Variants in PCED1A observed in about 807,000 individuals in gnomAD.
PCED1A encodes PC-esterase domain containing 1A.
A neutral mutation model predicts 41.9 loss-of-function variants in PCED1A; 20 were observed. That is an observed-to-expected ratio of 0.48 (90% CI 0.34 to 0.69). The LOEUF is 0.69. PCED1A is among the 30% of genes least tolerant of loss of function. The pLI, the probability that PCED1A is intolerant of heterozygous loss-of-function variation, is 0.01. For synonymous variants in PCED1A, 236 were observed against 241.3 expected (o/e 0.98, Z 0.20); for missense variants, 498 against 602.1 (o/e 0.83, Z 1.81).
upstream of PCED1A, chr20:2,840,914 C>T (rs541974761): frequency 5.6e-4 from 738 of 1,326,554 alleles, 6 homozygotes; most frequent in South Asian, 5.8e-3. Context: ...GCCCCTGTCA[C>T]TACTGGCGCT....
Position 2,839,775 on chromosome 20 carries a change from G to C in PCED1A, c.124+14C>G. 1 of 1,613,756 alleles carries C rather than the reference G, an allele frequency of 6.2e-7. No homozygotes were observed. Among genetic ancestry groups the C allele is most frequent in the Non-Finnish European group, 8.5e-7 (1 of 1,179,776 alleles). ...GTGTGGGACTGGAAGCGTCACCCTA[G>C]AAGAGGCACTCACTGGAGTCCCCCA... On this transcript the variant is annotated intron_variant, in intron 2 of 7. Coordinates refer to ENST00000360652, the MANE Select transcript of PCED1A (RefSeq NM_022760.6).
rs774041825 is a variant in PCED1A, at chr20:2,838,229, C to T, written c.841+3G>A. ...CTACCCCCCCACTTATGGTAGGGCT[C>T]ACCAGGGGGATAGCCACGCTTGGGC... is the stretch of plus-strand genomic sequence containing the variant. On this transcript the variant is annotated splice_donor_region_variant and intron_variant, in intron 6 of 7. Coordinates refer to ENST00000360652, the MANE Select transcript of PCED1A (RefSeq NM_022760.6). This position sits in a 1 kb window ranked among gnomAD's most constrained non-coding sequence, Gnocchi z 5.8. 2.5e-6 allele frequency: 4 copies of T among 1,614,066 alleles called. No homozygotes were observed. The South Asian group carries it at 4.4e-5, about 18-fold the overall frequency.
At position 2,840,396 on chromosome 20, in the gene PCED1A, C is replaced by T; in HGVS notation, c.-207G>A. On this transcript the variant is annotated 5_prime_UTR_variant, in exon 1 of 8. Coordinates refer to ENST00000360652, the MANE Select transcript of PCED1A (RefSeq NM_022760.6). Reference sequence around the variant, plus strand: ...TAGCCGTCGGTGCACAGCCCAGCGCCCAGCGCTCTCCATGCGAGCGTCGCT... The same window carrying T: ...TAGCCGTCGGTGCACAGCCCAGCGCTCAGCGCTCTCCATGCGAGCGTCGCT... 1 of 359,142 alleles carries T rather than the reference C, an allele frequency of 2.8e-6. No homozygotes were observed. Among genetic ancestry groups the T allele is most frequent in the Non-Finnish European group, 5.1e-6 (1 of 195,840 alleles). The allele number at this position is 359,142 out of a possible 1,614,324, so 22.2% of individuals were successfully genotyped here. A position where few individuals can be genotyped will look rare whatever the true frequency, so the allele number is the denominator to read the frequency against.
At chr20:2,839,979 C>A (rs776712955) in intron 1 of PCED1A, 46 bp from the exon 2 acceptor site, 504 of 1,547,598 alleles carry the variant, frequency 3.3e-4, no homozygotes, top group Non-Finnish European at 4.2e-4. Context: ...GGACTCTGGG[C>A]AGGTCAGCCT....
upstream of PCED1A, chr20:2,841,111 G>C: frequency 2.0e-6 from 1 of 500,194 alleles, no homozygotes; most frequent in Admixed American, 3.8e-5. Context: ...GCAGCTCGCG[G>C]GTGACAGCGA....
At position 2,836,244 on chromosome 20, in the gene PCED1A, G is replaced by A. The variant is rs752343671; in HGVS notation, c.912C>T (p.Phe304=). Residue 304 remains phenylalanine, a synonymous_variant, in exon 7 of 8, where the codon TTC becomes TTT. Coordinates refer to ENST00000360652, the MANE Select transcript of PCED1A (RefSeq NM_022760.6). ...GTGGGAGCAAGGCCAGGTGCTCCCC[G>A]AAGTCTGGGGTCTGCCTATGGCTTC... ...FQGSHRQTPD[F]GEHLALLPPP... The A allele has an allele frequency of 9.9e-6, 16 of 1,614,032 alleles. No individual in the cohort carries two copies. The highest frequency in any genetic ancestry group is 5.3e-5 in the African/African-American group (4 of 74,912).
chr20:2,839,243 C>T lies in PCED1A; in HGVS notation c.153G>A (p.Val51=), dbSNP rs1346516413. 4 of 1,614,002 alleles carry T rather than the reference C, an allele frequency of 2.5e-6. No homozygotes were observed. In the Admixed American group the frequency reaches 5.0e-5, roughly 20 times the overall value. Residue 51 remains valine, a synonymous_variant, in exon 3 of 8, where the codon GTG becomes GTA. Coordinates refer to ENST00000360652, the MANE Select transcript of PCED1A (RefSeq NM_022760.6). ...GCAGTGAGTCTTTCTGGAGCAAGAG[C>T]ACCAGGTCCTTGTACACAGCCCTCT... is the stretch of plus-strand genomic sequence containing the variant. ...SIQRAVYKDL[V]LLLQKDSLLT...
Position 2,840,429 on chromosome 20 carries a change from C to A in PCED1A, c.-240G>T, listed in dbSNP as rs754270299. The A allele has an allele frequency of 3.5e-5, 14 of 396,794 alleles. No individual in the cohort carries two copies. Among genetic ancestry groups the A allele is most frequent in the Non-Finnish European group, 6.4e-5 (14 of 219,458 alleles). 24.6% of individuals were successfully genotyped at this position (396,794 alleles called of 1,614,324 possible). Reference sequence around the variant, plus strand: ...CTCCATGCGAGCGTCGCTGTGGCCCCGACGGCGCCTCAGGCCTCGGCGCCT... The same window carrying A: ...CTCCATGCGAGCGTCGCTGTGGCCCAGACGGCGCCTCAGGCCTCGGCGCCT... On this transcript the variant is annotated 5_prime_UTR_variant, in exon 1 of 8. Coordinates refer to ENST00000360652, the MANE Select transcript of PCED1A (RefSeq NM_022760.6).
Position 2,835,684 on chromosome 20 carries a change from C to A in PCED1A, c.1143G>T (p.Val381=). The change falls in exon 8 of 8, where the codon GTG becomes GTT. Residue 381 remains valine, a synonymous_variant. Transcript: ENST00000360652. ...HLGCGPGVNF[V]PGPLPPPIPG... ...GGATTGGAGGTGGCAGAGGGCCAGG[C>A]ACAAAGTTCACTCCAGGGCCACATC... 1 of 1,573,454 alleles carries A rather than the reference C, an allele frequency of 6.4e-7. No individual in the cohort carries two copies. Among genetic ancestry groups the A allele is most frequent in the South Asian group, 1.2e-5 (1 of 86,064 alleles).
rs895406333 is a variant in PCED1A, at chr20:2,838,083, C to T, written c.841+149G>A. ...ATTGCTCCGATGATCTAACCCTCCT[C>T]AGGGGTTGAGGAAGGTGCATGCAGA... On this transcript the variant is annotated intron_variant, in intron 6 of 7. Coordinates refer to ENST00000360652, the MANE Select transcript of PCED1A (RefSeq NM_022760.6). The surrounding 1 kb of genome is among the most constrained non-coding windows in gnomAD (Gnocchi z 5.8). The T allele has an allele frequency of 2.6e-6, 3 of 1,175,978 alleles. No individual in the cohort carries two copies. Among genetic ancestry groups the T allele is most frequent in the Non-Finnish European group, 3.7e-6 (3 of 820,942 alleles). 72.8% of individuals were successfully genotyped at this position (1,175,978 alleles called of 1,614,324 possible). A position where few individuals can be genotyped will look rare whatever the true frequency, so the allele number is the denominator to read the frequency against.
At chr20:2,836,711 C>T (rs1287319779) in intron 6 of PCED1A, among the ~76,000 whole-genome samples, 1 of 152,076 alleles carries the variant, frequency 6.6e-6, no homozygotes, top group Non-Finnish European at 1.5e-5. Context: ...GCCCAATTTC[C>T]ACTTCCTCCT....
chr20:2,838,401 G>C lies in PCED1A; in HGVS notation c.672C>G (p.His224Gln). Reference sequence around the variant, plus strand: ...AGTGGAGGTCTAGGACATCAAAGCAGTGGTCCCCGGCCAGCGTAGCACTGT... The same window carrying C: ...AGTGGAGGTCTAGGACATCAAAGCACTGGTCCCCGGCCAGCGTAGCACTGT... The part of the protein sequence containing the change: ...NFYSATLAGD[H>Q]CFDVLDLHFH... The change falls in exon 6 of 8, where the codon CAC becomes CAG. Residue 224 changes from histidine (H) to glutamine (Q), a missense_variant. By Grantham distance (24) the His-to-Gln change is conservative (BLOSUM62 0). Around this residue, in one of 2 missense-constraint regions of PCED1A, gnomAD observed 253 missense variants for 369.7 expected, o/e 0.68. Coordinates refer to ENST00000360652, the MANE Select transcript of PCED1A (RefSeq NM_022760.6). This position sits in a 1 kb window ranked among gnomAD's most constrained non-coding sequence, Gnocchi z 5.8. 6.2e-7 allele frequency: 1 copy of C among 1,614,264 alleles called. No individual in the cohort carries two copies. Among genetic ancestry groups the C allele is most frequent in the Non-Finnish European group, 8.5e-7 (1 of 1,180,044 alleles).
intron 2 of PCED1A, 84 bp from the exon 3 acceptor site, chr20:2,839,355 G>A: frequency 3.8e-6 from 5 of 1,310,556 alleles, no homozygotes; most frequent in Non-Finnish European, 5.4e-6. Flanking sequence ...ATTTTCCCAG[G>A]GCTGAGGTGC....
chr20:2,835,994 G>A, intron 7 of PCED1A, 45 bp downstream of exon 7: 1 of 1,457,446 alleles, frequency 6.9e-7, no homozygotes, highest in Non-Finnish European at 9.1e-7. Context: ...AGGAGGCTGG[G>A]TAAGGGGAGG....
Position 2,836,115 on chromosome 20 carries a change from GA to G in PCED1A, c.1040del (p.Phe347SerfsTer26), listed in dbSNP as rs1391576874. ...FPPLPQDTPFFPGQPFPPHEF... is the reference protein window; with the variant it reads ...FPPLPQDTPFXPGQPFPPHEF... ...CATGGGGTGGGAAGGGCTGGCCTGG[GA>G]AAAAAGGGGTATCCTGGGGCAGGGG... On this transcript the variant is annotated frameshift_variant, in exon 7 of 8. Transcript: ENST00000360652. LOFTEE classifies it high-confidence loss of function. 3.9e-6 allele frequency: 5 copies of G among 1,285,330 alleles called. No individual in the cohort carries two copies. The highest frequency in any genetic ancestry group is 3.1e-6 in the Non-Finnish European group (3 of 952,520). The allele number at this position is 1,285,330 out of a possible 1,614,324, so 79.6% of individuals were successfully genotyped here. A position where few individuals can be genotyped will look rare whatever the true frequency, so the allele number is the denominator to read the frequency against.
In PCED1A at chr20:2,836,140, G is replaced by C. The variant is rs761248958; in HGVS notation, c.1016C>G (p.Pro339Arg). Residue 339 changes from proline (P) to arginine (R), a missense_variant, in exon 7 of 8, where the codon CCC becomes CGC. Pro to Arg is a moderately radical substitution (Grantham distance 103). Coordinates refer to ENST00000360652, the MANE Select transcript of PCED1A (RefSeq NM_022760.6). Reference sequence around the variant, plus strand: ...GAAAAAAGGGGTATCCTGGGGCAGGGGTGGGAAGAGGGGAGGTGGCGAGGG... The same window carrying C: ...GAAAAAAGGGGTATCCTGGGGCAGGCGTGGGAAGAGGGGAGGTGGCGAGGG... ...PQPSPPPLFPPLPQDTPFFPG... is the reference protein window; with the variant it reads ...PQPSPPPLFPRLPQDTPFFPG... 6 of 1,600,064 alleles carry C rather than the reference G, an allele frequency of 3.7e-6. No homozygotes were observed. Among genetic ancestry groups the C allele is most frequent in the Non-Finnish European group, 5.1e-6 (6 of 1,172,750 alleles).
In PCED1A at chr20:2,840,584, C is replaced by G. The variant is rs1044683020; in HGVS notation, c.-395G>C. ...GGCGCAGGAGCCAGGGCTGGGCCCA[C>G]TTGGCGGGCGCGAAGCCCAGGTACG... On this transcript the variant is annotated 5_prime_UTR_variant, in exon 1 of 8. Coordinates refer to ENST00000360652, the MANE Select transcript of PCED1A (RefSeq NM_022760.6). 24 of 635,468 alleles carry G rather than the reference C, an allele frequency of 3.8e-5. No individual in the cohort carries two copies. Among genetic ancestry groups the G allele is most frequent in the Non-Finnish European group, 8.2e-6 (3 of 366,040 alleles). The allele number at this position is 635,468 out of a possible 1,614,324, so 39.4% of individuals were successfully genotyped here. A position where few individuals can be genotyped will look rare whatever the true frequency, so the allele number is the denominator to read the frequency against.
At position 2,838,302 on chromosome 20, in the gene PCED1A, G is replaced by A. The variant is rs2088871613; in HGVS notation, c.771C>T (p.Leu257=). 2 of 1,614,258 alleles carry A rather than the reference G, an allele frequency of 1.2e-6. No individual in the cohort carries two copies. The highest frequency in any genetic ancestry group is 2.2e-5 in the East Asian group (1 of 44,892). The change falls in exon 6 of 8, where the codon CTC becomes CTT. Residue 257 remains leucine (L), a synonymous_variant. Coordinates refer to ENST00000360652, the MANE Select transcript of PCED1A (RefSeq NM_022760.6). The surrounding 1 kb of genome is among the most constrained non-coding windows in gnomAD (Gnocchi z 5.8). ...CCACATGGGTCAGAAGCAGGTGTGA[G>A]AGGTGGCGGTGTGCATGCTGGTCCC... ...VHWDQHAHRH[L]SHLLLTHVAD... is the part of the protein sequence containing the mutation.
At chr20:2,841,028 G>A (rs1171439268), upstream of PCED1A, 1 of 589,594 alleles carries the variant, frequency 1.7e-6, no homozygotes, top group Non-Finnish European at 3.0e-6. Context: ...AGGAAACTGA[G>A]GCAAGCACAG....
Sources: allele counts gnomAD v4.1 joint callset (sites outside exome capture counted in the v4.1 genomes callset), GRCh38; gene constraint gnomAD v4.1.1; regional missense constraint gnomAD v4.1.1; non-coding constraint Gnocchi (gnomAD v3.1); transcripts MANE v1.5; gene names NCBI Gene and HGNC (gene_info 2026-07-23, HGNC 2026-07-21).